The following RALGPS1 variants were observed in gnomAD, a reference collection of about 807,000 sequenced individuals.
RALGPS1 encodes Ral GEF with PH domain and SH3 binding motif 1, also known as ras-specific guanine nucleotide-releasing factor RalGPS1.
A neutral mutation model predicts 78.8 loss-of-function variants in RALGPS1; 19 were observed. The observed-to-expected ratio is 0.24, with a 90% CI of 0.17 to 0.35. The LOEUF (loss-of-function observed/expected upper bound fraction) is 0.35, where lower values mean the gene tolerates loss of function less well. Among genes scored for constraint, RALGPS1 ranks in the 10% least tolerant of loss-of-function variants. The probability of loss-of-function intolerance (pLI) is 1.00; values close to 1 mark genes in which losing one functional copy is unlikely to be tolerated. For synonymous variants in RALGPS1, 228 were observed against 256.3 expected, an observed-to-expected ratio of 0.89 and a Z score of 1.06; for missense variants, 454 against 688.3, an observed-to-expected ratio of 0.66 and a Z score of 3.81.
At chr9:126,929,899 A>C (rs534340559) in intron 1 of RALGPS1, among the ~76,000 whole-genome samples, 39 of 151,966 alleles carry the variant, frequency 2.6e-4, no homozygotes, top group Non-Finnish European at 5.4e-4. Flanking sequence ...GGAGTGCAGT[A>C]GTGCAATCAT....
At chr9:127,025,289 C>T (rs1158765118) in intron 4 of RALGPS1, among the ~76,000 whole-genome samples, 1 of 152,158 alleles carries the variant, frequency 6.6e-6, no homozygotes, top group Non-Finnish European at 1.5e-5. Flanking sequence ...TTGTTCATCG[C>T]CTCACCAGCT....
At chr9:127,163,945 T>C (rs1464701596) in intron 8 of RALGPS1, among the ~76,000 whole-genome samples, 1 of 152,260 alleles carries the variant, frequency 6.6e-6, no homozygotes, top group Non-Finnish European at 1.5e-5. Context: ...TAAGTTTTGA[T>C]ATGTAGTATT....
intron 4 of RALGPS1, among the ~76,000 whole-genome samples, chr9:126,980,182 A>G (rs1005707975): frequency 3.9e-5 from 6 of 152,184 alleles, no homozygotes; most frequent in Non-Finnish European, 7.4e-5. Context: ...TGAAAACTGA[A>G]AATTTTCCTC....
intron 8 of RALGPS1, among the ~76,000 whole-genome samples, chr9:127,082,436 A>AGCTGCT (rs34402924): frequency 6.6e-6 from 1 of 151,846 alleles, no homozygotes; most frequent in South Asian, 2.1e-4. Flanking sequence ...TCTGGTATCA[A>AGCTGCT]GCTGCTGCTG....
chr9:127,193,286 G>A (rs1291289832), intron 11 of RALGPS1, among the ~76,000 whole-genome samples: 1 of 152,248 alleles, frequency 6.6e-6, no homozygotes, highest in African/African-American at 2.4e-5. Context: ...TGTCACTGAA[G>A]TAAAGAGTGG....
intron 8 of RALGPS1, among the ~76,000 whole-genome samples, chr9:127,092,819 C>T (rs1042287434): frequency 6.6e-6 from 1 of 151,990 alleles, no homozygotes; most frequent in African/African-American, 2.4e-5. Flanking sequence ...AGCAGAGACA[C>T]AGGCTGTTCA....
chr9:127,060,567 A>G (rs915894381), intron 7 of RALGPS1, among the ~76,000 whole-genome samples: 41 of 151,990 alleles, frequency 2.7e-4, no homozygotes, highest in African/African-American at 8.0e-4. Flanking sequence ...ACTCTTCTTG[A>G]CTATTCTCGA....
chr9:127,195,671 C>T (rs983823680), intron 12 of RALGPS1, among the ~76,000 whole-genome samples: 1 of 152,242 alleles, frequency 6.6e-6, no homozygotes, highest in African/African-American at 2.4e-5. Flanking sequence ...AGCTGGGGGA[C>T]ATGCGTGAGC....
At chr9:127,052,159 C>T (rs1028898041) in intron 6 of RALGPS1, among the ~76,000 whole-genome samples, 2 of 152,166 alleles carry the variant, frequency 1.3e-5, no homozygotes, top group African/African-American at 4.8e-5. Flanking sequence ...TTCCATAGAG[C>T]GTGCCTAATA....
intron 4 of RALGPS1, among the ~76,000 whole-genome samples, chr9:126,991,691 G>C (rs1001878377): frequency 2.6e-5 from 4 of 152,180 alleles, no homozygotes; most frequent in African/African-American, 9.7e-5. Flanking sequence ...TCATAGGCAA[G>C]TTCCCTCATC....
At position 126,982,768 on chromosome 9, in the gene RALGPS1, TTTCTTCTTCTTCTTCCTCTTC is replaced by T. The variant is rs1369815767; in HGVS notation, c.216+5041_216+5061del. Among the ~76,000 whole-genome samples the T allele has an allele frequency of 3.3e-3, 502 of 151,112 alleles. 7 individuals are homozygous for T. The highest frequency in any genetic ancestry group is 0.012 in the African/African-American group (488 of 40,882). Reference sequence around the variant, plus strand: ...CTCTCCTTCTTATTCTTTTAAAATATTTCTTCTTCTTCTTCCTCTTCTTCTTCTTCTTCTTCCTTCTTTCTT... The same window carrying T: ...CTCTCCTTCTTATTCTTTTAAAATATTTCTTCTTCTTCTTCCTTCTTTCTT... On this transcript the variant is annotated intron_variant, in intron 4 of 18. Transcript: ENST00000259351.
chr9:127,166,140 C>A lies in RALGPS1; in HGVS notation c.682C>A (p.Gln228Lys). The A allele has an allele frequency of 6.2e-7, 1 of 1,613,742 alleles. No homozygotes were observed. Among genetic ancestry groups the A allele is most frequent in the Non-Finnish European group, 8.5e-7 (1 of 1,179,940 alleles). The change falls in exon 9 of 19, where the codon CAA becomes AAA. Residue 228 changes from glutamine (Q) to lysine (K), a missense_variant. Transcript: ENST00000259351. ...PASGSIMENE[Q>K]RSNQMNNILR... ...CTCAGGCAGTATCATGGAAAATGAACAAAGATCCAATCAGATGAACAATAT... is the reference window on the plus strand; with the variant it reads ...CTCAGGCAGTATCATGGAAAATGAAAAAAGATCCAATCAGATGAACAATAT...
At chr9:127,022,767 C>T (rs1472771586) in intron 4 of RALGPS1, among the ~76,000 whole-genome samples, 1 of 152,196 alleles carries the variant, frequency 6.6e-6, no homozygotes, top group African/African-American at 2.4e-5. Flanking sequence ...TACCTCATTC[C>T]TGTCTCTACT....
At chr9:126,931,732 A>G (rs2035805936) in intron 1 of RALGPS1, among the ~76,000 whole-genome samples, 1 of 152,208 alleles carries the variant, frequency 6.6e-6, no homozygotes, top group Non-Finnish European at 1.5e-5. Flanking sequence ...ATATGCTAAA[A>G]ATCACTGAAT....
intron 8 of RALGPS1, among the ~76,000 whole-genome samples, chr9:127,092,569 G>A (rs998772933): frequency 1.3e-5 from 2 of 152,036 alleles, no homozygotes; most frequent in African/African-American, 4.8e-5. Flanking sequence ...TGATGTGCTG[G>A]CACTGTTTTA....
intron 4 of RALGPS1, among the ~76,000 whole-genome samples, chr9:127,009,551 T>C (rs754431515): frequency 5.9e-5 from 9 of 152,238 alleles, no homozygotes; most frequent in Non-Finnish European, 1.0e-4. Flanking sequence ...TGTGTTTCTT[T>C]GATCTAGGCC....
chr9:126,923,037 A>G (rs1444821243), intron 1 of RALGPS1, among the ~76,000 whole-genome samples: 2 of 152,192 alleles, frequency 1.3e-5, no homozygotes, highest in African/African-American at 4.8e-5. Flanking sequence ...CTCAGTGCCT[A>G]GCCTAGCATC....
At chr9:127,090,318 T>TA (rs1314404206) in intron 8 of RALGPS1, among the ~76,000 whole-genome samples, 2 of 152,228 alleles carry the variant, frequency 1.3e-5, no homozygotes, top group African/African-American at 4.8e-5. Context: ...AGAAAGGCTG[T>TA]AGCAGCCCCT....
chr9:127,017,881 T>C (rs2045014159), intron 4 of RALGPS1, among the ~76,000 whole-genome samples: 1 of 152,174 alleles, frequency 6.6e-6, no homozygotes, highest in Non-Finnish European at 1.5e-5. Flanking sequence ...TGGAAGGTTT[T>C]CAGGGATGGT....
Sources: gnomAD v4.1 joint callset for allele counts (sites outside exome capture counted in the v4.1 genomes callset) on GRCh38, gnomAD v4.1.1 for gene constraint, MANE v1.5 for transcripts, NCBI Gene and HGNC (gene_info 2026-07-23, HGNC 2026-07-21) for gene names.